The following PDZRN4 variants were observed in gnomAD, a reference collection of about 807,000 sequenced individuals.
The protein encoded by PDZRN4 is PDZ domain-containing RING finger protein 4.
A neutral mutation model predicts 99.0 loss-of-function variants in PDZRN4; 70 were observed. That is an observed-to-expected ratio of 0.71 (90% CI 0.58 to 0.86). The LOEUF (loss-of-function observed/expected upper bound fraction) is 0.86, where lower values mean the gene tolerates loss of function less well. Ranked by LOEUF, PDZRN4 falls within the 40% of genes least tolerant of loss-of-function variation. The probability of loss-of-function intolerance (pLI) is 0.00; values close to 1 mark genes in which losing one functional copy is unlikely to be tolerated. For synonymous variants in PDZRN4, 551 were observed against 501.6 expected, an observed-to-expected ratio of 1.10 and a Z score of -1.32; for missense variants, 1,474 against 1,331.2, an observed-to-expected ratio of 1.11 and a Z score of -1.67.
At chr12:41,554,175 C>T (rs1020914807) in intron 6 of PDZRN4, among the ~76,000 whole-genome samples, 3 of 152,146 alleles carry the variant, frequency 2.0e-5, no homozygotes, top group African/African-American at 7.2e-5. Context: ...ACACCTGTGG[C>T]ATTATCTCTT....
Position 41,188,399 on chromosome 12 carries a change from G to A in PDZRN4, c.-57G>A, listed in dbSNP as rs1013701895. 5.5e-6 allele frequency: 8 copies of A among 1,442,076 alleles called. No individual in the cohort carries two copies. The highest frequency in any genetic ancestry group is 2.4e-5 in the Admixed American group (1 of 41,628). 89.3% of individuals were successfully genotyped at this position (1,442,076 alleles called of 1,614,324 possible). ...CCCGGGGGTGGCCCGGGGAAGGCAG[G>A]GGGGCTCGGAGAAGACGGACTCTGC... On this transcript the variant is annotated 5_prime_UTR_variant, in exon 1 of 10. Transcript: ENST00000402685.
intron 3 of PDZRN4, among the ~76,000 whole-genome samples, chr12:41,339,890 T>C (rs1951804038): frequency 6.6e-6 from 1 of 152,032 alleles, no homozygotes; most frequent in African/African-American, 2.4e-5. Flanking sequence ...TTTACCCCAG[T>C]TAACATGGCT....
intron 5 of PDZRN4, among the ~76,000 whole-genome samples, chr12:41,541,631 T>A (rs1055267102): frequency 4.0e-5 from 6 of 151,698 alleles, no homozygotes; most frequent in African/African-American, 1.5e-4. Context: ...TTTTTTGTAT[T>A]TTTAGTAGAG....
intron 3 of PDZRN4, among the ~76,000 whole-genome samples, chr12:41,205,711 A>G (rs1216689855): frequency 1.3e-5 from 2 of 151,932 alleles, no homozygotes; most frequent in Non-Finnish European, 2.9e-5. Context: ...TCCTGGCAAT[A>G]TCATAATTAG....
At chr12:41,449,407 C>G (rs971863498) in intron 3 of PDZRN4, among the ~76,000 whole-genome samples, 1 of 152,184 alleles carries the variant, frequency 6.6e-6, no homozygotes, top group East Asian at 1.9e-4. Context: ...CTCAGTACCT[C>G]TACAGATGTT....
At chr12:41,451,120 G>A (rs189599843) in intron 3 of PDZRN4, among the ~76,000 whole-genome samples, 7 of 151,362 alleles carry the variant, frequency 4.6e-5, no homozygotes, top group East Asian at 1.9e-4. Context: ...AAGTCAGACC[G>A]TAACAGTCTT....
chr12:41,339,126 C>CAA (rs35203434), intron 3 of PDZRN4, among the ~76,000 whole-genome samples: 2,210 of 143,476 alleles, frequency 0.015, 59 homozygotes, highest in African/African-American at 0.05. Context: ...TCATTCCGAG[C>CAA]AAAAAAAAAA....
chr12:41,348,199 G>A (rs1951868211), intron 3 of PDZRN4, among the ~76,000 whole-genome samples: 2 of 152,104 alleles, frequency 1.3e-5, no homozygotes, highest in South Asian at 2.1e-4. Flanking sequence ...AGTACCACTT[G>A]TATTTAGGTT....
chr12:41,465,495 T>C (rs560277569), intron 3 of PDZRN4, among the ~76,000 whole-genome samples: 1 of 152,360 alleles, frequency 6.6e-6, no homozygotes, highest in South Asian at 2.1e-4. Context: ...AAATACTATG[T>C]TAAAACTTTA....
intron 3 of PDZRN4, among the ~76,000 whole-genome samples, chr12:41,505,440 G>A (rs1462006072): frequency 6.6e-6 from 1 of 152,126 alleles, no homozygotes; most frequent in Non-Finnish European, 1.5e-5. Flanking sequence ...AAAAGGCTGT[G>A]TTATCAGGAC....
At chr12:41,462,393 G>A (rs1316253327) in intron 3 of PDZRN4, among the ~76,000 whole-genome samples, 2 of 152,232 alleles carry the variant, frequency 1.3e-5, no homozygotes, top group East Asian at 3.9e-4. Flanking sequence ...TTTTCATTAT[G>A]CTTTAACTCT....
At chr12:41,319,503 A>T (rs1592010266) in intron 3 of PDZRN4, among the ~76,000 whole-genome samples, 2 of 151,936 alleles carry the variant, frequency 1.3e-5, no homozygotes, top group Admixed American at 1.3e-4. Context: ...TGCTTCAAAG[A>T]CCCTTAAAAC....
intron 3 of PDZRN4, among the ~76,000 whole-genome samples, chr12:41,341,053 T>C (rs2141108): frequency 0.87 from 132,508 of 151,878 alleles, 58,318 homozygotes; most frequent in Middle Eastern, 0.95. Flanking sequence ...AAGGATGGTT[T>C]AACATGTAGA....
At chr12:41,426,446 T>G (rs1952537354) in intron 3 of PDZRN4, among the ~76,000 whole-genome samples, 1 of 152,216 alleles carries the variant, frequency 6.6e-6, no homozygotes, top group South Asian at 2.1e-4. Context: ...ATTCATGGCA[T>G]GCAGGACCAA....
At chr12:41,372,728 G>A (rs1952050657) in intron 3 of PDZRN4, among the ~76,000 whole-genome samples, 1 of 152,102 alleles carries the variant, frequency 6.6e-6, no homozygotes, top group African/African-American at 2.4e-5. Context: ...TAGAGAAGAG[G>A]CTAAATCATG....
intron 3 of PDZRN4, among the ~76,000 whole-genome samples, chr12:41,415,195 G>T (rs1952434076): frequency 6.6e-6 from 1 of 151,976 alleles, no homozygotes; most frequent in South Asian, 2.1e-4. Flanking sequence ...TATGAGACCA[G>T]TTTTGTGCTG....
chr12:41,393,466 G>T (rs1952224642), intron 3 of PDZRN4, among the ~76,000 whole-genome samples: 1 of 151,294 alleles, frequency 6.6e-6, no homozygotes. Context: ...GACTTCTTAG[G>T]GTCTTATGAG....
intron 3 of PDZRN4, among the ~76,000 whole-genome samples, chr12:41,198,148 G>T (rs1047274194): frequency 8.6e-5 from 13 of 151,898 alleles, no homozygotes; most frequent in Admixed American, 8.5e-4. Flanking sequence ...GAACTCCTGG[G>T]CTCAAGCGAC....
At chr12:41,421,207 C>CT (rs1017274906) in intron 3 of PDZRN4, among the ~76,000 whole-genome samples, 47 of 152,014 alleles carry the variant, frequency 3.1e-4, no homozygotes, top group African/African-American at 7.7e-4. Context: ...CTATTTGTTT[C>CT]TTTTTTTTCT....
Sources: gnomAD v4.1 joint callset for allele counts (sites outside exome capture counted in the v4.1 genomes callset) on GRCh38, gnomAD v4.1.1 for gene constraint, MANE v1.5 for transcripts, NCBI Gene and HGNC (gene_info 2026-07-23, HGNC 2026-07-21) for gene names.